Variants in TGFBRAP1 observed in about 807,000 individuals in gnomAD.
The protein encoded by TGFBRAP1 is transforming growth factor beta receptor associated protein 1.
A neutral mutation model predicts 83.2 loss-of-function variants in TGFBRAP1; 20 were observed. The observed-to-expected ratio is 0.24, with a 90% CI of 0.17 to 0.35. TGFBRAP1 has a LOEUF of 0.35. Among genes scored for constraint, TGFBRAP1 ranks in the 10% least tolerant of loss-of-function variants. The pLI, the probability that TGFBRAP1 is intolerant of heterozygous loss-of-function variation, is 1.00. For missense variants in TGFBRAP1, 950 were observed against 1,099.4 expected (o/e 0.86, Z 1.92); for synonymous variants, 415 against 459.8 (o/e 0.90, Z 1.25).
At chr2:105,294,307 G>GGGGTGTGTGTGTGT (rs1553404589) in intron 4 of TGFBRAP1, among the ~76,000 whole-genome samples, 2 of 147,894 alleles carry the variant, frequency 1.4e-5, no homozygotes, top group African/African-American at 5.0e-5. Context: ...TAGGAGTGAG[G>GGGGTGTGTGTGTGT]GTGTGTGTGT....
At chr2:105,316,460 T>TGCGCGCGCGC (rs1247975846) in intron 1 of TGFBRAP1, among the ~76,000 whole-genome samples, 49 of 66,924 alleles carry the variant, frequency 7.3e-4, no homozygotes, top group Admixed American at 1.7e-3. Context: ...TGTGTGTGTG[T>TGCGCGCGCGC]GTGCGCGCGC....
chr2:105,317,351 T>C (rs1369243079), intron 1 of TGFBRAP1, among the ~76,000 whole-genome samples: 1 of 151,444 alleles, frequency 6.6e-6, no homozygotes, highest in Non-Finnish European at 1.5e-5. Flanking sequence ...GCAGGAGAAT[T>C]GCTTGAACCT....
chr2:105,305,312 T>C (rs1678458662), intron 2 of TGFBRAP1, among the ~76,000 whole-genome samples: 1 of 152,226 alleles, frequency 6.6e-6, no homozygotes, highest in African/African-American at 2.4e-5. Flanking sequence ...ATGAGGTGAC[T>C]ATACAAAAAC....
rs779830123 is a variant in TGFBRAP1, at chr2:105,269,556, C to A, written c.2122G>T (p.Asp708Tyr). The change falls in exon 11 of 12, where the codon GAC becomes TAC. Residue 708 changes from aspartate to tyrosine, a missense_variant. Coordinates refer to ENST00000393359, the MANE Select transcript of TGFBRAP1 (RefSeq NM_004257.6). This position sits in a 1 kb window ranked among gnomAD's most constrained non-coding sequence, Gnocchi z 4.1. ...AAGAGTTGCTGGCGGTGGGGTGGGT[C>A]TCGGCCCTCGGAGCACCACAGGCAG... is the stretch of plus-strand genomic sequence containing the variant. ...DYCLWCSEGR[D>Y]PPHRQQLFHT... The A allele has an allele frequency of 1.2e-6, 2 of 1,611,680 alleles. No homozygotes were observed. Among genetic ancestry groups the A allele is most frequent in the Admixed American group, 3.3e-5 (2 of 59,878 alleles).
intron 9 of TGFBRAP1, 135 bp downstream of exon 9, chr2:105,273,409 G>T: frequency 1.6e-6 from 2 of 1,243,984 alleles, no homozygotes; most frequent in Non-Finnish European, 2.2e-6. Flanking sequence ...CCTCAAGGCC[G>T]CCATCAGACC....
intron 8 of TGFBRAP1, among the ~76,000 whole-genome samples, chr2:105,274,327 CT>C (rs1677264419): frequency 6.6e-6 from 1 of 152,222 alleles, no homozygotes; most frequent in African/African-American, 2.4e-5. Context: ...TGCACCTCCC[CT>C]GAGCACTTAC....
the TGFBRAP1 span, among the ~76,000 whole-genome samples, chr2:105,253,751 T>A: frequency 6.6e-6 from 1 of 152,142 alleles, no homozygotes; most frequent in Non-Finnish European, 1.5e-5. Context: ...TTTAAAAAAA[T>A]TTTATCTCCT....
In TGFBRAP1 at chr2:105,273,569, T is replaced by A; in HGVS notation, c.1787A>T (p.His596Leu). 6.2e-7 allele frequency: 1 copy of A among 1,614,258 alleles called. No individual in the cohort carries two copies. The highest frequency in any genetic ancestry group is 8.5e-7 in the Non-Finnish European group (1 of 1,180,054). The change falls in exon 9 of 12, where the codon CAT becomes CTT. Residue 596 changes from histidine (H) to leucine (L), a missense_variant. Physicochemically the swap from His to Leu is moderately conservative, Grantham distance 99. Transcript: ENST00000393359. ...CTGCAGTCTCTTGTCTATCACAAGA[T>A]GTTCCAGATACTTCACAAGGGCTTT... ...YPKALVKYLE[H>L]LVIDKRLQKE...
At chr2:105,255,735 A>G in the TGFBRAP1 span, among the ~76,000 whole-genome samples, 182 of 152,282 alleles carry the variant, frequency 1.2e-3, 1 homozygote, top group African/African-American at 4.1e-3. Flanking sequence ...AGAGCCAGGT[A>G]CCAAACAATT....
rs1676864481 is a variant in TGFBRAP1 at position 105,264,740 on chromosome 2, T to C, written c.*2643A>G. 1 of 152,226 alleles carries C rather than the reference T, an allele frequency of 6.6e-6. No individual in the cohort carries two copies. Among genetic ancestry groups the C allele is most frequent in the Non-Finnish European group, 1.5e-5 (1 of 68,044 alleles). 9.4% of individuals were successfully genotyped at this position (152,226 alleles called of 1,614,324 possible). On this transcript the variant is annotated 3_prime_UTR_variant, in exon 12 of 12. Coordinates refer to ENST00000393359, the MANE Select transcript of TGFBRAP1 (RefSeq NM_004257.6). ...TGCAACGCAGCCTGAGTGACATCCC[T>C]ACATTAATACTTGATAGGGAACAGC...
In TGFBRAP1 at chr2:105,269,034, T is replaced by C. The variant is rs1677048299; in HGVS notation, c.2406+238A>G. Among the ~76,000 whole-genome samples, 1 of 152,208 alleles carries C rather than the reference T, an allele frequency of 6.6e-6. No homozygotes were observed. Among genetic ancestry groups the C allele is most frequent in the Non-Finnish European group, 1.5e-5 (1 of 68,036 alleles). ...ATGCTGCTCTCCTCCCTACAGACTC[T>C]CTTAATCACCAGCGTCCAAAAGGGG... On this transcript the variant is annotated intron_variant, in intron 11 of 11. Coordinates refer to ENST00000393359, the MANE Select transcript of TGFBRAP1 (RefSeq NM_004257.6). This position sits in a 1 kb window ranked among gnomAD's most constrained non-coding sequence, Gnocchi z 4.1.
At chr2:105,312,594 T>C (rs1241671672) in intron 1 of TGFBRAP1, among the ~76,000 whole-genome samples, 1 of 152,098 alleles carries the variant, frequency 6.6e-6, no homozygotes, top group East Asian at 1.9e-4. Flanking sequence ...AAATCAGTAA[T>C]AGTATAAAGC....
At chr2:105,323,356 A>G (rs1408613128) in intron 1 of TGFBRAP1, among the ~76,000 whole-genome samples, 1 of 152,160 alleles carries the variant, frequency 6.6e-6, no homozygotes, top group Non-Finnish European at 1.5e-5. Flanking sequence ...CCTGCTGCTC[A>G]GCCTCTATCT....
intron 8 of TGFBRAP1, among the ~76,000 whole-genome samples, chr2:105,275,101 T>C (rs753678861): frequency 2.0e-5 from 3 of 152,086 alleles, no homozygotes; most frequent in Non-Finnish European, 4.4e-5. Context: ...ACAAGCTCCA[T>C]GTTGGCAGTG....
rs1679317766 is a variant in TGFBRAP1, at chr2:105,329,643, TC to T, written c.-37del. The stretch of plus-strand genomic sequence containing the variant: ...CACTCACCGGCGCCGGCGCCCGCCG[TC>T]CCGCGCCGCCCCGCGGCCTGGGGCC... On this transcript the variant is annotated 5_prime_UTR_variant, in exon 1 of 12. Coordinates refer to ENST00000393359, the MANE Select transcript of TGFBRAP1 (RefSeq NM_004257.6). The T allele has an allele frequency of 6.9e-6, 1 of 143,898 alleles. No homozygotes were observed. The highest frequency in any genetic ancestry group is 1.5e-5 in the Non-Finnish European group (1 of 64,624). The allele number at this position is 143,898 out of a possible 1,614,324, so 8.9% of individuals were successfully genotyped here.
At chr2:105,310,001 A>T (rs540599222) in intron 1 of TGFBRAP1, among the ~76,000 whole-genome samples, 153 of 152,288 alleles carry the variant, frequency 1.0e-3, no homozygotes, top group African/African-American at 3.5e-3. Flanking sequence ...TGAGCCTACC[A>T]TGCCTTAATC....
At chr2:105,321,852 C>T (rs1005312434) in intron 1 of TGFBRAP1, among the ~76,000 whole-genome samples, 1 of 152,234 alleles carries the variant, frequency 6.6e-6, no homozygotes, top group African/African-American at 2.4e-5. Context: ...CATTCAATTA[C>T]ATACAGTATG....
intron 7 of TGFBRAP1, among the ~76,000 whole-genome samples, chr2:105,276,979 C>T (rs1677372842): frequency 6.6e-6 from 1 of 152,156 alleles, no homozygotes; most frequent in African/African-American, 2.4e-5. Flanking sequence ...AAATGCATAA[C>T]TAATAACGAA....
intron 1 of TGFBRAP1, among the ~76,000 whole-genome samples, chr2:105,323,608 T>C (rs1219226927): frequency 1.3e-5 from 2 of 152,180 alleles, no homozygotes; most frequent in African/African-American, 2.4e-5. Flanking sequence ...AATTCTATAT[T>C]GGGTGAGAAA....
Sources: allele counts gnomAD v4.1 joint callset (sites outside exome capture counted in the v4.1 genomes callset), GRCh38; gene constraint gnomAD v4.1.1; non-coding constraint Gnocchi (gnomAD v3.1); transcripts MANE v1.5; gene names NCBI Gene and HGNC (gene_info 2026-07-23, HGNC 2026-07-21).